Variants in MAPKAP1 observed in about 807,000 individuals in gnomAD.
MAPKAP1 encodes MAPK associated protein 1, also known as target of rapamycin complex 2 subunit MAPKAP1.
A neutral mutation model predicts 65.7 loss-of-function variants in MAPKAP1; 20 were observed. The ratio of observed to expected loss-of-function variants is 0.30; its 90% CI spans 0.21 to 0.44. MAPKAP1 has a LOEUF of 0.44. MAPKAP1 is among the 20% of genes least tolerant of loss of function. The pLI is 1.00. For synonymous variants in MAPKAP1, 222 were observed against 244.3 expected (o/e 0.91, Z 0.85); for missense variants, 423 against 648.0 (o/e 0.65, Z 3.77).
At chr9:125,543,851 C>A (rs1366406830) in intron 6 of MAPKAP1, among the ~76,000 whole-genome samples, 1 of 152,116 alleles carries the variant, frequency 6.6e-6, no homozygotes, top group African/African-American at 2.4e-5. Flanking sequence ...ATAAACTTGG[C>A]TTGTGTCAGT....
In MAPKAP1 at chr9:125,567,403, G is replaced by A. The variant is rs75642807; in HGVS notation, c.672-7594C>T. ...CTGAAACCAAAATGGCAACAAGAGCGACCTCTGGTCATCCTCACTGCTACA... is the reference window on the plus strand; with the variant it reads ...CTGAAACCAAAATGGCAACAAGAGCAACCTCTGGTCATCCTCACTGCTACA... On this transcript the variant is annotated intron_variant, in intron 5 of 11. Transcript: ENST00000265960. Among the ~76,000 whole-genome samples the A allele has an allele frequency of 1.2e-3, 182 of 152,242 alleles. 1 individual carries two copies. The East Asian group carries it at 0.018, about 15-fold the overall frequency.
chr9:125,518,976 G>A (rs917997864), intron 7 of MAPKAP1, among the ~76,000 whole-genome samples: 1 of 151,998 alleles, frequency 6.6e-6, no homozygotes, highest in African/African-American at 2.4e-5. Context: ...ATCACATTTG[G>A]GTTTTTGACA....
intron 4 of MAPKAP1, among the ~76,000 whole-genome samples, chr9:125,597,069 T>C (rs1439620615): frequency 2.6e-5 from 4 of 151,270 alleles, no homozygotes; most frequent in Admixed American, 6.6e-5. Context: ...GAGACCATCC[T>C]GGCTAACAAA....
chr9:125,618,805 C>T (rs528621069), intron 4 of MAPKAP1, among the ~76,000 whole-genome samples: 1 of 152,324 alleles, frequency 6.6e-6, no homozygotes, highest in African/African-American at 2.4e-5. Context: ...AAGACATTTT[C>T]ATCCACCCCC....
chr9:125,619,258 T>C (rs910361880), intron 4 of MAPKAP1, among the ~76,000 whole-genome samples: 4 of 152,186 alleles, frequency 2.6e-5, no homozygotes, highest in African/African-American at 9.7e-5. Context: ...AATGCCAACT[T>C]TTAGCTTAAT....
intron 8 of MAPKAP1, among the ~76,000 whole-genome samples, chr9:125,491,802 A>C (rs574137992): frequency 2.8e-4 from 43 of 152,166 alleles, no homozygotes; most frequent in African/African-American, 4.1e-4. Context: ...ACAAAAAAAA[A>C]CAAAAAAACA....
chr9:125,684,699 C>G (rs556481893), intron 1 of MAPKAP1, among the ~76,000 whole-genome samples: 1 of 152,154 alleles, frequency 6.6e-6, no homozygotes, highest in Non-Finnish European at 1.5e-5. Flanking sequence ...GTCTGAGAAG[C>G]CTTTTCACCC....
intron 1 of MAPKAP1, among the ~76,000 whole-genome samples, chr9:125,680,040 T>A (rs1159612149): frequency 6.6e-6 from 1 of 152,212 alleles, no homozygotes; most frequent in Non-Finnish European, 1.5e-5. Context: ...TTGAAATGAT[T>A]TAATGTCTGC....
At chr9:125,601,747 A>T (rs1564577534) in intron 4 of MAPKAP1, among the ~76,000 whole-genome samples, 2 of 152,200 alleles carry the variant, frequency 1.3e-5, no homozygotes, top group Non-Finnish European at 2.9e-5. Context: ...ACATTTCTTC[A>T]ATTACAACAT....
In MAPKAP1 at chr9:125,680,395, ACC is replaced by A. The variant is rs1834787793; in HGVS notation, c.-69-7754_-69-7753del. On this transcript the variant is annotated intron_variant, in intron 1 of 11. Transcript: ENST00000265960. ...CTGGAATTCGAAAATAATTGAAGTG[ACC>A]ATTAAAATAAAACACTTTATTGCTT... is the stretch of plus-strand genomic sequence containing the variant. Among the ~76,000 whole-genome samples the A allele has an allele frequency of 1.2e-4, 18 of 152,314 alleles. No individual in the cohort carries two copies. In the East Asian group the frequency reaches 3.5e-3, roughly 29 times the overall value.
At chr9:125,692,023 G>C (rs908732745) in intron 1 of MAPKAP1, among the ~76,000 whole-genome samples, 1 of 152,210 alleles carries the variant, frequency 6.6e-6, no homozygotes, top group South Asian at 2.1e-4. Flanking sequence ...AACCTGAGGA[G>C]AATAGAAGCA....
chr9:125,649,635 AC>A (rs989978209), intron 4 of MAPKAP1, among the ~76,000 whole-genome samples: 1 of 151,898 alleles, frequency 6.6e-6, no homozygotes, highest in Non-Finnish European at 1.5e-5. Context: ...CTCCACTCTC[AC>A]CTCAAAAAGC....
At chr9:125,536,585 T>TATTCATTCATTCATTCATTC (rs6151178) in intron 7 of MAPKAP1, among the ~76,000 whole-genome samples, 3,973 of 151,718 alleles carry the variant, frequency 0.026, 65 homozygotes, top group African/African-American at 0.033. Flanking sequence ...ATTTTCCATT[T>TATTCATTCATTCATTCATTC]ATTCATTCAT....
At chr9:125,460,199 T>C (rs560598647) in intron 10 of MAPKAP1, among the ~76,000 whole-genome samples, 40 of 152,168 alleles carry the variant, frequency 2.6e-4, no homozygotes, top group African/African-American at 9.2e-4. Context: ...CGCAAATGTA[T>C]AGAAATTTTT....
chr9:125,592,882 G>A (rs1342155377), intron 4 of MAPKAP1, among the ~76,000 whole-genome samples: 3 of 110,912 alleles, frequency 2.7e-5, no homozygotes, highest in African/African-American at 6.8e-5. Context: ...CAGCCTGGGC[G>A]AAAGAGCGAG....
chr9:125,540,867 A>G (rs1178268753), intron 7 of MAPKAP1, among the ~76,000 whole-genome samples: 2 of 152,200 alleles, frequency 1.3e-5, no homozygotes, highest in Admixed American at 6.5e-5. Context: ...TCCTCTTTTC[A>G]TTAATCACTC....
At chr9:125,596,236 C>A (rs1832121295) in intron 4 of MAPKAP1, 2 of 764,780 alleles carry the variant, frequency 2.6e-6, no homozygotes, top group Non-Finnish European at 4.8e-6. Context: ...AATACTTCAT[C>A]CAGCGAAAGA....
chr9:125,559,532 A>G (rs1179364362), intron 6 of MAPKAP1, 101 bp downstream of exon 6: 4 of 1,067,664 alleles, frequency 3.7e-6, no homozygotes, highest in Non-Finnish European at 5.5e-6. Context: ...GACTCTCCAG[A>G]TGCCAAATAT....
intron 4 of MAPKAP1, among the ~76,000 whole-genome samples, chr9:125,651,605 C>CA (rs1043948070): frequency 2.0e-5 from 3 of 151,744 alleles, no homozygotes; most frequent in East Asian, 1.9e-4. Flanking sequence ...GACTCTGTCT[C>CA]AAAAAAACAA....
Sources: allele counts gnomAD v4.1 joint callset (sites outside exome capture counted in the v4.1 genomes callset), GRCh38; gene constraint gnomAD v4.1.1; transcripts MANE v1.5; gene names NCBI Gene and HGNC (gene_info 2026-07-23, HGNC 2026-07-21).